Variants in SYNPR observed in about 807,000 individuals in gnomAD.
The protein encoded by SYNPR is synaptoporin.
Under a neutral mutation model 32.9 loss-of-function variants are expected in SYNPR, and 23 were observed. The observed-to-expected ratio is 0.70, with a 90% CI of 0.50 to 0.99. The LOEUF is 0.99. SYNPR is among the 50% of genes least tolerant of loss of function. The probability of loss-of-function intolerance (pLI) is 0.00; values close to 1 mark genes in which losing one functional copy is unlikely to be tolerated. For missense variants in SYNPR, 318 were observed against 349.3 expected, an observed-to-expected ratio of 0.91 and a Z score of 0.71; for synonymous variants, 146 against 135.9, an observed-to-expected ratio of 1.07 and a Z score of -0.52.
chr3:63,607,993 G>C (rs1700147758), intron 4 of SYNPR, among the ~76,000 whole-genome samples: 1 of 152,092 alleles, frequency 6.6e-6, no homozygotes, highest in African/African-American at 2.4e-5. Context: ...AGGGCAAACT[G>C]TTTCTGTTGG....
At chr3:63,403,901 C>A (rs565391580) in intron 2 of SYNPR, among the ~76,000 whole-genome samples, 9 of 152,204 alleles carry the variant, frequency 5.9e-5, no homozygotes, top group Non-Finnish European at 1.3e-4. Flanking sequence ...TGATCGACCA[C>A]AACACCTACC....
chr3:63,587,634 CA>C (rs1703213381), intron 4 of SYNPR, among the ~76,000 whole-genome samples: 1 of 152,070 alleles, frequency 6.6e-6, no homozygotes, highest in Non-Finnish European at 1.5e-5. Context: ...AAGCAAAGTT[CA>C]GAGAGGATCT....
At chr3:63,464,205 T>C (rs547297366) in intron 2 of SYNPR, among the ~76,000 whole-genome samples, 1 of 152,268 alleles carries the variant, frequency 6.6e-6, no homozygotes, top group South Asian at 2.1e-4. Flanking sequence ...TTTCTCTAAT[T>C]TTTTTTCCTA....
At chr3:63,494,490 T>TATATAC (rs1559516497) in intron 3 of SYNPR, among the ~76,000 whole-genome samples, 18 of 135,002 alleles carry the variant, frequency 1.3e-4, no homozygotes, top group African/African-American at 5.1e-4. Flanking sequence ...TATATATACA[T>TATATAC]ATATATACAT....
At chr3:63,438,883 T>C (rs1700126571) in intron 2 of SYNPR, among the ~76,000 whole-genome samples, 1 of 152,246 alleles carries the variant, frequency 6.6e-6, no homozygotes, top group Admixed American at 6.5e-5. Flanking sequence ...TTTATTAGTA[T>C]GGCCAAAGTA....
intron 3 of SYNPR, among the ~76,000 whole-genome samples, chr3:63,484,424 T>C (rs781162781): frequency 3.3e-5 from 5 of 152,138 alleles, no homozygotes; most frequent in Non-Finnish European, 7.4e-5. Context: ...TTAAGGTATT[T>C]AATATATTTG....
At chr3:63,567,774 G>T (rs1702817004) in intron 4 of SYNPR, among the ~76,000 whole-genome samples, 1 of 152,152 alleles carries the variant, frequency 6.6e-6, no homozygotes, top group Admixed American at 6.5e-5. Context: ...CCCTTATGAG[G>T]GACAAGGTTA....
chr3:63,328,948 T>C (rs1020459296), intron 2 of SYNPR, among the ~76,000 whole-genome samples: 2 of 152,294 alleles, frequency 1.3e-5, no homozygotes, highest in East Asian at 1.9e-4. Flanking sequence ...TCGCACAATA[T>C]GTTTATTTGA....
intron 4 of SYNPR, among the ~76,000 whole-genome samples, chr3:63,592,116 C>T (rs1370007266): frequency 5.9e-5 from 9 of 151,890 alleles, no homozygotes; most frequent in Admixed American, 4.6e-4. Context: ...CAGAAGGTGA[C>T]GTGAAGACCA....
rs967026522 is a variant in SYNPR, at chr3:63,615,647, T to C, written c.*166T>C. On this transcript the variant is annotated 3_prime_UTR_variant, in exon 6 of 6. Coordinates refer to ENST00000478300, the MANE Select transcript of SYNPR (RefSeq NM_001130003.2). ...GCAAGTCCTGGGTTGTGAAAAATGA[T>C]ACTTAGAGATGAGGCGACATGAGGA... 7.9e-6 allele frequency: 7 copies of C among 890,040 alleles called. No individual in the cohort carries two copies. The African/African-American group carries it at 1.2e-4, about 15-fold the overall frequency. The allele number at this position is 890,040 out of a possible 1,614,324, so 55.1% of individuals were successfully genotyped here. A position where few individuals can be genotyped will look rare whatever the true frequency, so the allele number is the denominator to read the frequency against.
chr3:63,568,254 C>T (rs1559538955), intron 4 of SYNPR, among the ~76,000 whole-genome samples: 1 of 152,116 alleles, frequency 6.6e-6, no homozygotes, highest in African/African-American at 2.4e-5. Context: ...ATGTTGAATC[C>T]AATTTACAGA....
chr3:63,542,368 G>T (rs983025461), intron 3 of SYNPR, among the ~76,000 whole-genome samples: 4 of 152,004 alleles, frequency 2.6e-5, no homozygotes, highest in Non-Finnish European at 5.9e-5. Context: ...TGCCCCCTTC[G>T]TTGGGGATAC....
At chr3:63,203,052 A>G in the SYNPR span, among the ~76,000 whole-genome samples, 1 of 55,540 alleles carries the variant, frequency 1.8e-5, no homozygotes, top group Non-Finnish European at 3.2e-5. Flanking sequence ...ATATAAATAC[A>G]TATATATATG....
chr3:63,554,523 T>C (rs936262938), intron 3 of SYNPR, among the ~76,000 whole-genome samples: 1 of 152,152 alleles, frequency 6.6e-6, no homozygotes, highest in Non-Finnish European at 1.5e-5. Context: ...CGGTTATAAG[T>C]GTATGGTTTT....
At chr3:63,498,345 G>A (rs955092214) in intron 3 of SYNPR, among the ~76,000 whole-genome samples, 1 of 152,054 alleles carries the variant, frequency 6.6e-6, no homozygotes, top group African/African-American at 2.4e-5. Flanking sequence ...CTTGGTGCCG[G>A]GAATCCAGTG....
intron 2 of SYNPR, among the ~76,000 whole-genome samples, chr3:63,363,575 C>G (rs903429997): frequency 6.6e-6 from 1 of 152,210 alleles, no homozygotes; most frequent in Non-Finnish European, 1.5e-5. Context: ...CTGACATTGA[C>G]TCTGTGTGAT....
At position 63,235,062 on chromosome 3, in the gene SYNPR, C is replaced by T. The variant is rs192168187; in HGVS notation, n.66+6682C>T. Among the ~76,000 whole-genome samples, 39 of 152,180 alleles carry T rather than the reference C, an allele frequency of 2.6e-4. 1 individual carries two copies. The highest frequency in any genetic ancestry group is 2.4e-4 in the Non-Finnish European group (16 of 67,994). ...ATACCATCTACTTATCAAGATTTTC[C>T]CTGTTTTTATTTGTACTCATCTGTG... On this transcript the variant is annotated intron_variant and non_coding_transcript_variant, in intron 1 of 4. Coordinates refer to the SYNPR transcript ENST00000478456.
At chr3:63,333,919 C>G (rs2087257188) in intron 2 of SYNPR, among the ~76,000 whole-genome samples, 1 of 152,156 alleles carries the variant, frequency 6.6e-6, no homozygotes, top group South Asian at 2.1e-4. Context: ...AAATGTCTTA[C>G]TAAGAGAGTT....
intron 2 of SYNPR, among the ~76,000 whole-genome samples, chr3:63,402,363 G>A (rs561702293): frequency 1.3e-5 from 2 of 152,276 alleles, no homozygotes; most frequent in African/African-American, 4.8e-5. Context: ...ATCTCCCCCA[G>A]TTGAGAACCA....
Sources: gnomAD v4.1 joint callset for allele counts (sites outside exome capture counted in the v4.1 genomes callset) on GRCh38, gnomAD v4.1.1 for gene constraint, MANE v1.5 for transcripts, NCBI Gene and HGNC (gene_info 2026-07-23, HGNC 2026-07-21) for gene names.